PDE4D: variants seen among roughly 807,000 people sequenced by gnomAD.
PDE4D encodes the protein 3',5'-cyclic-AMP phosphodiesterase 4D.
Under a neutral mutation model 87.4 loss-of-function variants are expected in PDE4D, and 24 were observed. That is an observed-to-expected ratio of 0.27 (90% CI 0.20 to 0.39). PDE4D has a LOEUF of 0.39. PDE4D is among the 10% of genes least tolerant of loss of function. The pLI, the probability that PDE4D is intolerant of heterozygous loss-of-function variation, is 1.00. For synonymous variants in PDE4D, 384 were observed against 383.2 expected (o/e 1.00, Z -0.02); for missense variants, 714 against 1,041.0 (o/e 0.69, Z 4.32).
intron 1 of PDE4D, among the ~76,000 whole-genome samples, chr5:59,743,366 A>C (rs1759139865): frequency 1.3e-5 from 2 of 152,304 alleles, no homozygotes; most frequent in Non-Finnish European, 1.5e-5. Flanking sequence ...CTCCACCAAA[A>C]AATGAGTACA....
At chr5:59,657,817 C>T (rs529405063) in intron 1 of PDE4D, among the ~76,000 whole-genome samples, 69 of 152,178 alleles carry the variant, frequency 4.5e-4, no homozygotes, top group South Asian at 2.5e-3. Context: ...TAATACATTC[C>T]GCATGTTATA....
At chr5:59,022,134 GCTGA>G (rs1178336912) in intron 6 of PDE4D, among the ~76,000 whole-genome samples, 1 of 152,152 alleles carries the variant, frequency 6.6e-6, no homozygotes, top group Non-Finnish European at 1.5e-5. Context: ...CATTTCTACA[GCTGA>G]CTGTCTGTTC....
At chr5:59,779,752 T>C (rs1764422557) in intron 1 of PDE4D, among the ~76,000 whole-genome samples, 1 of 152,256 alleles carries the variant, frequency 6.6e-6, no homozygotes, top group African/African-American at 2.4e-5. Context: ...CTGGAGGGCA[T>C]TCAGATTTCC....
intron 1 of PDE4D, among the ~76,000 whole-genome samples, chr5:60,268,957 T>C (rs1339589126): frequency 6.6e-6 from 1 of 152,124 alleles, no homozygotes; most frequent in Non-Finnish European, 1.5e-5. Context: ...AAAAGAAAAA[T>C]CTGCTGTTAT....
intron 2 of PDE4D, among the ~76,000 whole-genome samples, chr5:60,091,487 A>G (rs1775103270): frequency 6.6e-6 from 1 of 152,186 alleles, no homozygotes; most frequent in Admixed American, 6.5e-5. Context: ...AAAAATAAAC[A>G]ATGCTTTCAA....
chr5:59,187,435 T>C lies in PDE4D; in HGVS notation c.685-2173A>G, dbSNP rs1324803378. 2.0e-5 allele frequency among the ~76,000 whole-genome samples: 3 copies of C among 152,122 alleles called. No homozygotes were observed. In the East Asian group the frequency reaches 5.8e-4, roughly 29 times the overall value. On this transcript the variant is annotated intron_variant, in intron 3 of 14. Coordinates refer to ENST00000340635, the MANE Select transcript of PDE4D (RefSeq NM_001104631.2). ...TATTATTACTTCTGAAAAGACGCAA[T>C]AGAAACAGATTAACCTGGGGAGGGA...
intron 2 of PDE4D, among the ~76,000 whole-genome samples, chr5:60,067,454 A>T (rs1772226925): frequency 6.6e-6 from 1 of 152,106 alleles, no homozygotes. Context: ...ATGAACTGTT[A>T]CCTATAAATG....
intron 5 of PDE4D, among the ~76,000 whole-genome samples, chr5:59,133,167 A>C (rs1293299435): frequency 6.6e-6 from 1 of 152,154 alleles, no homozygotes; most frequent in Non-Finnish European, 1.5e-5. Flanking sequence ...CAAAATGAAA[A>C]AGGTAGAGAT....
At chr5:59,259,378 C>A (rs898680820) in intron 1 of PDE4D, among the ~76,000 whole-genome samples, 2 of 151,870 alleles carry the variant, frequency 1.3e-5, no homozygotes, top group Non-Finnish European at 2.9e-5. Flanking sequence ...GTTGGCAATT[C>A]CAAACTGCCC....
At chr5:60,410,953 G>A (rs542910042) in intron 1 of PDE4D, among the ~76,000 whole-genome samples, 156 of 152,274 alleles carry the variant, frequency 1.0e-3, no homozygotes, top group African/African-American at 3.6e-3. Context: ...TATGAAGTAG[G>A]TACCATTACC....
At chr5:59,032,203 G>T (rs796414939) in intron 6 of PDE4D, among the ~76,000 whole-genome samples, 3 of 152,176 alleles carry the variant, frequency 2.0e-5, no homozygotes, top group African/African-American at 7.2e-5. Context: ...CCAAGAAATA[G>T]ATACAATTAA....
intron 5 of PDE4D, among the ~76,000 whole-genome samples, chr5:59,104,711 G>A (rs1771308342): frequency 6.6e-6 from 1 of 151,954 alleles, no homozygotes; most frequent in Non-Finnish European, 1.5e-5. Context: ...GAGGAAAGAA[G>A]GAACAAAGGA....
chr5:59,172,210 TAATA>T (rs1561624436), intron 5 of PDE4D, among the ~76,000 whole-genome samples: 4 of 111,972 alleles, frequency 3.6e-5, no homozygotes, highest in Non-Finnish European at 6.7e-5. Flanking sequence ...AATATGTATA[TAATA>T]TATAATAAAT....
At chr5:59,492,227 T>C (rs1806351851) in intron 1 of PDE4D, among the ~76,000 whole-genome samples, 1 of 152,182 alleles carries the variant, frequency 6.6e-6, no homozygotes, top group South Asian at 2.1e-4. Flanking sequence ...TTTGGTTTTC[T>C]AAAAAAATTT....
chr5:59,043,122 A>G (rs1487042816), intron 5 of PDE4D, among the ~76,000 whole-genome samples: 2 of 152,192 alleles, frequency 1.3e-5, no homozygotes, highest in South Asian at 4.1e-4. Context: ...TCGGCTTGTC[A>G]TAATTCCTAG....
At chr5:59,151,263 G>T (rs1292409852) in intron 5 of PDE4D, among the ~76,000 whole-genome samples, 2 of 152,152 alleles carry the variant, frequency 1.3e-5, no homozygotes, top group African/African-American at 2.4e-5. Context: ...GCCTCAGAGT[G>T]TTTCCAGGAA....
In PDE4D at chr5:59,575,093, G is replaced by A. The variant is rs1822907811; in HGVS notation, c.455+318075C>T. Among the ~76,000 whole-genome samples, 3 of 152,270 alleles carry A rather than the reference G, an allele frequency of 2.0e-5. No homozygotes were observed. The South Asian group carries it at 6.2e-4, about 32-fold the overall frequency. ...AATGAGACTAGAAAGGAGGAGGCCA[G>A]ATGAGGCAGAGCTTTATGCTGTATT... is the stretch of plus-strand genomic sequence containing the variant. On this transcript the variant is annotated intron_variant, in intron 1 of 14. Coordinates refer to ENST00000340635, the MANE Select transcript of PDE4D (RefSeq NM_001104631.2).
At chr5:59,573,388 C>T (rs916066271) in intron 1 of PDE4D, among the ~76,000 whole-genome samples, 5 of 152,104 alleles carry the variant, frequency 3.3e-5, no homozygotes, top group African/African-American at 4.8e-5. Flanking sequence ...GTAAGACATA[C>T]ATATATTAGT....
At chr5:59,717,203 G>C (rs898290825) in intron 1 of PDE4D, among the ~76,000 whole-genome samples, 15 of 152,106 alleles carry the variant, frequency 9.9e-5, no homozygotes, top group Non-Finnish European at 2.1e-4. Flanking sequence ...TGCCTTCCCT[G>C]CATCCAGCCT....
Sources: allele counts gnomAD v4.1 joint callset (sites outside exome capture counted in the v4.1 genomes callset), GRCh38; gene constraint gnomAD v4.1.1; transcripts MANE v1.5; gene names NCBI Gene and HGNC (gene_info 2026-07-23, HGNC 2026-07-21).